The following CALCRL variants were observed in gnomAD, a reference collection of about 807,000 sequenced individuals.
CALCRL encodes the protein calcitonin gene-related peptide type 1 receptor.
In CALCRL, 27 loss-of-function variants were observed where a neutral mutation model predicts 60.4. The observed-to-expected ratio is 0.45, with a 90% CI of 0.33 to 0.62. The LOEUF (loss-of-function observed/expected upper bound fraction) is 0.62, where lower values mean the gene tolerates loss of function less well. Ranked by LOEUF, CALCRL falls within the 20% of genes least tolerant of loss-of-function variation. The pLI, the probability that CALCRL is intolerant of heterozygous loss-of-function variation, is 0.03. For synonymous variants in CALCRL, 190 were observed against 182.6 expected, an observed-to-expected ratio of 1.04 and a Z score of -0.33; for missense variants, 424 against 540.7, an observed-to-expected ratio of 0.78 and a Z score of 2.14.
At chr2:187,352,773 T>C (rs1398057) in intron 12 of CALCRL, among the ~76,000 whole-genome samples, 46,356 of 151,758 alleles carry the variant, frequency 0.31, 7,290 homozygotes, top group Middle Eastern at 0.41. Flanking sequence ...ATGTATATTA[T>C]ACCATAATAA....
intron 12 of CALCRL, among the ~76,000 whole-genome samples, chr2:187,358,324 C>G (rs528934681): frequency 6.6e-6 from 1 of 152,154 alleles, no homozygotes; most frequent in African/African-American, 2.4e-5. Context: ...CTACTGCACT[C>G]TAGTCTGGGC....
intron 8 of CALCRL, among the ~76,000 whole-genome samples, chr2:187,377,810 A>G (rs937571688): frequency 6.6e-6 from 1 of 152,186 alleles, no homozygotes; most frequent in Admixed American, 6.5e-5. Context: ...GTTCAGTAAC[A>G]TATAAAGTGC....
At chr2:187,428,539 A>G (rs1435207926) in intron 1 of CALCRL, 1 of 152,222 alleles carries the variant, frequency 6.6e-6, no homozygotes, top group African/African-American at 2.4e-5. Context: ...GTGTGCTATA[A>G]AATTTTAAAG....
chr2:187,441,746 A>G (rs1274975900), intron 1 of CALCRL, among the ~76,000 whole-genome samples: 2 of 152,022 alleles, frequency 1.3e-5, no homozygotes, highest in African/African-American at 2.4e-5. Context: ...TTAGAAAAAG[A>G]GCAATTTTAG....
intron 1 of CALCRL, among the ~76,000 whole-genome samples, chr2:187,397,825 T>C (rs985892013): frequency 9.2e-5 from 14 of 151,748 alleles, no homozygotes; most frequent in Non-Finnish European, 1.6e-4. Context: ...TCACTTATTT[T>C]AAATTGGTTA....
rs1370674329 is a variant in CALCRL, at chr2:187,387,490, C to T, written c.-198G>A. The T allele has an allele frequency of 1.0e-5, 3 of 300,800 alleles. No individual in the cohort carries two copies. Among genetic ancestry groups the T allele is most frequent in the African/African-American group, 2.2e-5 (1 of 46,336 alleles). The allele number at this position is 300,800 out of a possible 1,614,324, so 18.6% of individuals were successfully genotyped here. A position where few individuals can be genotyped will look rare whatever the true frequency, so the allele number is the denominator to read the frequency against. ...GCTAGTATGGGTTTTTATTATTAGACGATCTTGAGAAAAATATAACCAAAA... is the reference window on the plus strand; with the variant it reads ...GCTAGTATGGGTTTTTATTATTAGATGATCTTGAGAAAAATATAACCAAAA... On this transcript the variant is annotated 5_prime_UTR_variant, in exon 3 of 15. Coordinates refer to ENST00000392370, the MANE Select transcript of CALCRL (RefSeq NM_005795.6).
chr2:187,355,756 G>A (rs1241792726), intron 12 of CALCRL, among the ~76,000 whole-genome samples: 2 of 151,988 alleles, frequency 1.3e-5, no homozygotes, highest in African/African-American at 2.4e-5. Context: ...AAACCCCATC[G>A]ACTCAGCCAA....
chr2:187,365,832 T>C (rs78452445), intron 8 of CALCRL, among the ~76,000 whole-genome samples: 2,181 of 152,228 alleles, frequency 0.014, 33 homozygotes, highest in Non-Finnish European at 0.023. Context: ...CACTCACTTG[T>C]GGAAGCTTTA....
In CALCRL at chr2:187,345,548, C is replaced by T. The variant is rs1686237915; in HGVS notation, c.*636G>A. On this transcript the variant is annotated 3_prime_UTR_variant, in exon 15 of 15. Transcript: ENST00000392370. ...ACAATGGATATGCCACAAGATATAA[C>T]TGATGTGTCAGCAAATGAGTAGATC... 6.6e-6 allele frequency: 1 copy of T among 152,032 alleles called. No individual in the cohort carries two copies. The highest frequency in any genetic ancestry group is 6.6e-5 in the Admixed American group (1 of 15,174). 9.4% of individuals were successfully genotyped at this position (152,032 alleles called of 1,614,324 possible).
At chr2:187,412,440 C>T (rs1265022697) in intron 1 of CALCRL, among the ~76,000 whole-genome samples, 2 of 152,246 alleles carry the variant, frequency 1.3e-5, no homozygotes, top group Middle Eastern at 3.4e-3. Context: ...TTTGCAAATT[C>T]GCTTATCTCT....
intron 1 of CALCRL, among the ~76,000 whole-genome samples, chr2:187,444,211 A>G (rs1691058880): frequency 6.6e-6 from 1 of 151,708 alleles, no homozygotes; most frequent in Admixed American, 6.6e-5. Flanking sequence ...GTTTTATACA[A>G]AAGTTTATGT....
In CALCRL at chr2:187,352,266, C is replaced by T. The variant is rs779648653; in HGVS notation, c.976G>A (p.Ala326Thr). Reference sequence around the variant, plus strand: ...GCTTTCATGTACAGATTGGATTCCGCTTGGTGTGTAACTTTTAACTTGGTG... The same window carrying T: ...GCTTTCATGTACAGATTGGATTCCGTTTGGTGTGTAACTTTTAACTTGGTG... Reference protein sequence around the residue: ...LITKLKVTHQAESNLYMKAVR... With the variant: ...LITKLKVTHQTESNLYMKAVR... The change falls in exon 13 of 15, where the codon GCG (alanine) becomes ACG (threonine). Residue 326 changes from alanine to threonine, a missense_variant. This residue lies in a region of CALCRL where 222 missense variants were observed against 265.6 expected (regional missense o/e 0.84). Coordinates refer to ENST00000392370, the MANE Select transcript of CALCRL (RefSeq NM_005795.6). The T allele has an allele frequency of 6.2e-7, 1 of 1,612,198 alleles. No homozygotes were observed.
chr2:187,396,158 A>G (rs150749095), intron 1 of CALCRL, among the ~76,000 whole-genome samples: 37 of 140,066 alleles, frequency 2.6e-4, no homozygotes, highest in African/African-American at 9.4e-4. Context: ...ATGAGAATTC[A>G]GGGAAAACAT....
intron 8 of CALCRL, among the ~76,000 whole-genome samples, chr2:187,376,254 T>A (rs1229689829): frequency 6.6e-6 from 1 of 152,186 alleles, no homozygotes; most frequent in Non-Finnish European, 1.5e-5. Context: ...TTTTAAATTT[T>A]TTTAATTGAG....
intron 9 of CALCRL, among the ~76,000 whole-genome samples, chr2:187,362,464 A>AC (rs1284558846): frequency 6.6e-6 from 1 of 152,074 alleles, no homozygotes; most frequent in Non-Finnish European, 1.5e-5. Context: ...TTACTCTAAA[A>AC]ACACACATAA....
At chr2:187,420,571 A>C (rs948524707) in intron 1 of CALCRL, among the ~76,000 whole-genome samples, 6 of 152,152 alleles carry the variant, frequency 3.9e-5, no homozygotes, top group African/African-American at 1.4e-4. Flanking sequence ...GGCCTCATGC[A>C]ACTTATTTGG....
chr2:187,442,142 A>C (rs1281060534), intron 1 of CALCRL: 1 of 148,138 alleles, frequency 6.8e-6, no homozygotes, highest in Non-Finnish European at 1.5e-5. Context: ...ACATACACAC[A>C]CACATACATA....
chr2:187,352,317 A>C lies in CALCRL; in HGVS notation c.925T>G (p.Leu309Val). The C allele has an allele frequency of 6.2e-7, 1 of 1,607,424 alleles. No homozygotes were observed. The highest frequency in any genetic ancestry group is 8.5e-7 in the Non-Finnish European group (1 of 1,175,268). Residue 309 changes from leucine to valine, a missense_variant, in exon 13 of 15, where the codon TTG becomes GTG. Transcript: ENST00000392370. ...CAALLVNLFF[L>V]LNIVRVLITK... ...ATGAGAACGCGTACAATATTTAACA[A>C]GAAAAAAAGATTCACCTAAAAACGA...
At chr2:187,393,386 A>G (rs939597336) in intron 1 of CALCRL, among the ~76,000 whole-genome samples, 3 of 152,160 alleles carry the variant, frequency 2.0e-5, no homozygotes, top group African/African-American at 7.2e-5. Flanking sequence ...GTTTCTAGTT[A>G]CTAGCCAGAC....
Sources: gnomAD v4.1 joint callset for allele counts (sites outside exome capture counted in the v4.1 genomes callset) on GRCh38, gnomAD v4.1.1 for gene constraint, gnomAD v4.1.1 regional missense constraint, MANE v1.5 for transcripts, NCBI Gene and HGNC (gene_info 2026-07-23, HGNC 2026-07-21) for gene names.